The following KCNH7 variants were observed in gnomAD, a reference collection of about 807,000 sequenced individuals.
KCNH7 encodes the protein voltage-gated inwardly rectifying potassium channel KCNH7.
Under a neutral mutation model 120.8 loss-of-function variants are expected in KCNH7, and 49 were observed. The ratio of observed to expected loss-of-function variants is 0.41; its 90% CI spans 0.32 to 0.51. The LOEUF is 0.51. Among genes scored for constraint, KCNH7 ranks in the 20% least tolerant of loss-of-function variants. KCNH7 has a pLI of 0.38. For missense variants in KCNH7, 1,097 were observed against 1,446.6 expected (o/e 0.76, Z 3.92); for synonymous variants, 547 against 516.1 (o/e 1.06, Z -0.81).
chr2:162,548,729 T>C (rs1362595747), intron 2 of KCNH7, among the ~76,000 whole-genome samples: 1 of 152,194 alleles, frequency 6.6e-6, no homozygotes, highest in Non-Finnish European at 1.5e-5. Flanking sequence ...TGTTTCATTT[T>C]GGAATAAGTT....
chr2:162,540,209 A>G (rs1692256676), intron 2 of KCNH7, among the ~76,000 whole-genome samples: 1 of 108,646 alleles, frequency 9.2e-6, no homozygotes, highest in Non-Finnish European at 1.7e-5. Flanking sequence ...TTTGTTAAGA[A>G]GCAGATTATT....
chr2:162,753,057 G>C (rs1688659449), intron 2 of KCNH7, among the ~76,000 whole-genome samples: 1 of 143,710 alleles, frequency 7.0e-6, no homozygotes, highest in Admixed American at 7.0e-5. Context: ...ATCAATCCTA[G>C]TTTGATTCCT....
At chr2:162,580,884 T>G (rs1291161534) in intron 2 of KCNH7, among the ~76,000 whole-genome samples, 1 of 151,934 alleles carries the variant, frequency 6.6e-6, no homozygotes, top group African/African-American at 2.4e-5. Flanking sequence ...TAGATAGAAA[T>G]AGTCCCCAGA....
intron 2 of KCNH7, among the ~76,000 whole-genome samples, chr2:162,591,845 C>A (rs940178534): frequency 1.3e-5 from 2 of 151,992 alleles, no homozygotes; most frequent in Non-Finnish European, 2.9e-5. Context: ...AGTCAATACA[C>A]CGGTTCTTCC....
rs145325134 is a variant in KCNH7, at chr2:162,667,779, C to A, written c.308-130699G>T. 6.0e-4 allele frequency among the ~76,000 whole-genome samples: 92 copies of A among 152,262 alleles called. 1 individual carries two copies. Among genetic ancestry groups the A allele is most frequent in the African/African-American group, 2.2e-3 (91 of 41,560 alleles). On this transcript the variant is annotated intron_variant, in intron 2 of 15. Transcript: ENST00000332142. ...TTTGCTTTATGGCACTCTTTGGTGTCCAAAGCTACTCTTTTTATGTACTTG... is the reference window on the plus strand; with the variant it reads ...TTTGCTTTATGGCACTCTTTGGTGTACAAAGCTACTCTTTTTATGTACTTG...
intron 2 of KCNH7, among the ~76,000 whole-genome samples, chr2:162,767,339 A>G (rs930388087): frequency 3.9e-5 from 6 of 152,148 alleles, no homozygotes; most frequent in Non-Finnish European, 8.8e-5. Context: ...ATTTCCCTTC[A>G]TAGAAATTTT....
chr2:162,375,642 C>G (rs981814486), intron 14 of KCNH7, among the ~76,000 whole-genome samples: 1 of 152,034 alleles, frequency 6.6e-6, no homozygotes, highest in Admixed American at 6.6e-5. Flanking sequence ...AGAATGGACT[C>G]TTGGGCCAGT....
At chr2:162,726,317 AAAG>A (rs1687517427) in intron 2 of KCNH7, among the ~76,000 whole-genome samples, 1 of 152,200 alleles carries the variant, frequency 6.6e-6, no homozygotes, top group Non-Finnish European at 1.5e-5. Flanking sequence ...CCAATTTTAA[AAAG>A]AATGAGTTGG....
chr2:162,823,503 G>A (rs1453654197), intron 2 of KCNH7, among the ~76,000 whole-genome samples: 1 of 152,166 alleles, frequency 6.6e-6, no homozygotes, highest in Non-Finnish European at 1.5e-5. Context: ...TATAGTTAAA[G>A]TGGGTGTGGT....
At chr2:162,754,304 G>A (rs1244997512) in intron 2 of KCNH7, among the ~76,000 whole-genome samples, 1 of 152,008 alleles carries the variant, frequency 6.6e-6, no homozygotes, top group Non-Finnish European at 1.5e-5. Flanking sequence ...AAAATGGAAA[G>A]AGAACGAAAA....
intron 6 of KCNH7, among the ~76,000 whole-genome samples, chr2:162,481,345 T>C (rs1689924309): frequency 6.6e-6 from 1 of 152,186 alleles, no homozygotes; most frequent in Non-Finnish European, 1.5e-5. Flanking sequence ...ATATTATGCC[T>C]ACTTTACAAA....
At chr2:162,536,836 T>A in intron 3 of KCNH7, 89 bp downstream of exon 3, 2 of 1,177,208 alleles carry the variant, frequency 1.7e-6, no homozygotes. Context: ...AAAGATATTT[T>A]GAGAACTGAA....
intron 6 of KCNH7, among the ~76,000 whole-genome samples, chr2:162,451,607 C>T (rs1232497635): frequency 6.6e-6 from 1 of 151,960 alleles, no homozygotes; most frequent in Non-Finnish European, 1.5e-5. Context: ...TCCAAGAAGG[C>T]TTCATTCACA....
At position 162,813,325 on chromosome 2, in the gene KCNH7, C is replaced by T. The variant is rs191902206; in HGVS notation, c.307+23212G>A. On this transcript the variant is annotated intron_variant, in intron 2 of 15. Transcript: ENST00000332142. ...TGCCAAATGTGTACTCTTCCACCTGCCAGAATCAGATACATTCCTCGATCA... is the reference window on the plus strand; with the variant it reads ...TGCCAAATGTGTACTCTTCCACCTGTCAGAATCAGATACATTCCTCGATCA... Among the ~76,000 whole-genome samples, 5 of 152,248 alleles carry T rather than the reference C, an allele frequency of 3.3e-5. No homozygotes were observed. The East Asian group carries it at 7.7e-4, about 24-fold the overall frequency.
intron 2 of KCNH7, among the ~76,000 whole-genome samples, chr2:162,586,917 A>C (rs1694039614): frequency 6.6e-6 from 1 of 152,088 alleles, no homozygotes; most frequent in Non-Finnish European, 1.5e-5. Flanking sequence ...CGTCATGACC[A>C]AAATTTAGTC....
At chr2:162,475,662 T>G (rs979846406) in intron 6 of KCNH7, among the ~76,000 whole-genome samples, 1 of 152,172 alleles carries the variant, frequency 6.6e-6, no homozygotes, top group African/African-American at 2.4e-5. Context: ...CTTAAATAAC[T>G]GCCTTTCACT....
intron 3 of KCNH7, among the ~76,000 whole-genome samples, chr2:162,525,957 G>A (rs1478717727): frequency 1.3e-5 from 2 of 151,386 alleles, no homozygotes; most frequent in Admixed American, 1.3e-4. Flanking sequence ...CTCTATCGGG[G>A]GAAATTCAGC....
At chr2:162,794,981 T>A (rs937743932) in intron 2 of KCNH7, among the ~76,000 whole-genome samples, 1 of 152,052 alleles carries the variant, frequency 6.6e-6, no homozygotes, top group Non-Finnish European at 1.5e-5. Context: ...TACATTTTTT[T>A]AATTTCAAGC....
chr2:162,748,713 A>G (rs892291886), intron 2 of KCNH7, among the ~76,000 whole-genome samples: 1 of 152,162 alleles, frequency 6.6e-6, no homozygotes, highest in African/African-American at 2.4e-5. Flanking sequence ...ATAACTTTCC[A>G]ATGACTCTAA....
Sources: allele counts gnomAD v4.1 joint callset (sites outside exome capture counted in the v4.1 genomes callset), GRCh38; gene constraint gnomAD v4.1.1; transcripts MANE v1.5; gene names NCBI Gene and HGNC (gene_info 2026-07-23, HGNC 2026-07-21).